The following IGF2BP3 variants were observed in gnomAD, a reference collection of about 807,000 sequenced individuals.
The protein encoded by IGF2BP3 is insulin like growth factor 2 mRNA binding protein 3, also known as insulin-like growth factor 2 mRNA-binding protein 3.
IGF2BP3 carries 9 observed loss-of-function variants against 73.8 expected under a neutral mutation model. The ratio of observed to expected loss-of-function variants is 0.12; its 90% confidence interval spans 0.07 to 0.21. The LOEUF (loss-of-function observed/expected upper bound fraction) is 0.21. Among genes scored for constraint, IGF2BP3 ranks in the 10% least tolerant of loss-of-function variants. IGF2BP3 has a pLI of 1.00. For synonymous variants in IGF2BP3, 258 were observed against 256.7 expected (o/e 1.01, Z -0.05); for missense variants, 542 against 714.0 (o/e 0.76, Z 2.75).
At chr7:23,435,292 C>CAAAAAA (rs35846648) in intron 2 of IGF2BP3, among the ~76,000 whole-genome samples, 3 of 47,942 alleles carry the variant, frequency 6.3e-5, no homozygotes, top group East Asian at 1.1e-3. Context: ...GACTCTGTCT[C>CAAAAAA]AAAAAAAAAA....
At chr7:23,335,059 G>A (rs1284579217) in intron 10 of IGF2BP3, among the ~76,000 whole-genome samples, 1 of 103,696 alleles carries the variant, frequency 9.6e-6, no homozygotes, top group Non-Finnish European at 1.9e-5. Context: ...ACAAAATATT[G>A]AAGTCTTTAA....
At chr7:23,346,587 CCTTTTT>C (rs1230952460) in intron 7 of IGF2BP3, among the ~76,000 whole-genome samples, 1 of 149,570 alleles carries the variant, frequency 6.7e-6, no homozygotes, top group Non-Finnish European at 1.5e-5. Context: ...GTGGGCTTTT[CCTTTTT>C]CTTTCTTTTT....
intron 2 of IGF2BP3, among the ~76,000 whole-genome samples, chr7:23,433,529 A>C (rs1034746372): frequency 1.5e-4 from 22 of 150,422 alleles, no homozygotes; most frequent in African/African-American, 5.4e-4. Flanking sequence ...TCTCTCGCCC[A>C]AACTGTAGTG....
chr7:23,451,010 T>G (rs568507607), intron 2 of IGF2BP3, among the ~76,000 whole-genome samples: 1 of 152,354 alleles, frequency 6.6e-6, no homozygotes, highest in Non-Finnish European at 1.5e-5. Flanking sequence ...TTTCCTCATA[T>G]ACTTCAATCA....
chr7:23,319,084 A>G (rs1209088443), intron 11 of IGF2BP3, 54 bp downstream of exon 11: 10 of 1,100,616 alleles, frequency 9.1e-6, no homozygotes, highest in Non-Finnish European at 1.4e-5. Flanking sequence ...AAGAAGATTC[A>G]TATTTCTGTA....
chr7:23,455,724 T>C (rs1480844474), intron 2 of IGF2BP3, among the ~76,000 whole-genome samples: 2 of 152,228 alleles, frequency 1.3e-5, no homozygotes. Flanking sequence ...CTCCCTCTGT[T>C]GCCCAGGCTG....
At chr7:23,317,213 G>T (rs1417841316) in intron 12 of IGF2BP3, among the ~76,000 whole-genome samples, 3 of 152,214 alleles carry the variant, frequency 2.0e-5, no homozygotes, top group South Asian at 2.1e-4. Flanking sequence ...GGATTAGAGA[G>T]ATTTGTAGAG....
intron 10 of IGF2BP3, among the ~76,000 whole-genome samples, chr7:23,340,931 C>A (rs1191338430): frequency 6.6e-6 from 1 of 151,492 alleles, no homozygotes; most frequent in African/African-American, 2.4e-5. Context: ...CTCACTACCA[C>A]CTCTGCCTCC....
At chr7:23,443,150 TCA>T (rs1021968426) in intron 2 of IGF2BP3, among the ~76,000 whole-genome samples, 1 of 138,520 alleles carries the variant, frequency 7.2e-6, no homozygotes, top group Non-Finnish European at 1.5e-5. Context: ...TCTTGCTCTG[TCA>T]CCCAGGCTGG....
At position 23,327,067 on chromosome 7, in the gene IGF2BP3, TAAA is replaced by T. The variant is rs1197880463; in HGVS notation, c.1204-7816_1204-7814del. On this transcript the variant is annotated intron_variant, in intron 10 of 14. Coordinates refer to ENST00000258729, the MANE Select transcript of IGF2BP3 (RefSeq NM_006547.3). ...ATGTACCCTAAAACTTAAAGTATAATAAATAAATTAATTAATTAATTAATTAAA... is the reference window on the plus strand; with the variant it reads ...ATGTACCCTAAAACTTAAAGTATAATTAAATTAATTAATTAATTAATTAAA... 4.4e-3 allele frequency among the ~76,000 whole-genome samples: 646 copies of T among 146,802 alleles called. 4 individuals are homozygous for T. The highest frequency in any genetic ancestry group is 0.015 in the African/African-American group (577 of 37,258).
At position 23,320,922 on chromosome 7, in the gene IGF2BP3, C is replaced by A. The variant is rs114180401; in HGVS notation, c.1204-1668G>T. Among the ~76,000 whole-genome samples the A allele has an allele frequency of 5.5e-3, 755 of 138,508 alleles. 8 individuals carry two copies. Among genetic ancestry groups the A allele is most frequent in the African/African-American group, 0.02 (727 of 35,668 alleles). The allele number at this position is 138,508 out of a possible 152,430, so 90.9% of individuals were successfully genotyped here. A position where few individuals can be genotyped will look rare whatever the true frequency, so the allele number is the denominator to read the frequency against. The stretch of plus-strand genomic sequence containing the variant: ...CTGAGATCACACCACTGCTCTCCAA[C>A]CTGGGTGAGAGTGAAACTCTGTCTC... On this transcript the variant is annotated intron_variant, in intron 10 of 14. Coordinates refer to ENST00000258729, the MANE Select transcript of IGF2BP3 (RefSeq NM_006547.3).
chr7:23,348,567 G>C (rs1417091731), intron 6 of IGF2BP3, among the ~76,000 whole-genome samples: 6 of 152,138 alleles, frequency 3.9e-5, no homozygotes, highest in African/African-American at 1.4e-4. Context: ...CATGGGTCAA[G>C]AGTGATGTTT....
chr7:23,312,880 G>C (rs1412112190), intron 13 of IGF2BP3, 32 bp from the exon 14 acceptor site: 1 of 1,473,170 alleles, frequency 6.8e-7, no homozygotes, highest in African/African-American at 1.4e-5. Context: ...CACATTAAGT[G>C]GCAGTTTTAA....
chr7:23,323,826 T>C (rs562004276), intron 10 of IGF2BP3, among the ~76,000 whole-genome samples: 5,774 of 151,524 alleles, frequency 0.038, 169 homozygotes, highest in South Asian at 0.1. Flanking sequence ...GACTACTGGG[T>C]ACATAACGAA....
At chr7:23,331,943 A>G (rs1011512953) in intron 10 of IGF2BP3, among the ~76,000 whole-genome samples, 34 of 152,148 alleles carry the variant, frequency 2.2e-4, no homozygotes, top group African/African-American at 8.0e-4. Context: ...TCGTGGCGGA[A>G]GACAAATGGG....
In IGF2BP3 at chr7:23,468,549, A is replaced by G; in HGVS notation, c.176-7T>C. 4 of 1,614,110 alleles carry G rather than the reference A, an allele frequency of 2.5e-6. No homozygotes were observed. Among genetic ancestry groups the G allele is most frequent in the Non-Finnish European group, 2.5e-6 (3 of 1,179,950 alleles). On this transcript the variant is annotated splice_polypyrimidine_tract_variant and splice_region_variant and intron_variant, in intron 1 of 14. Coordinates refer to ENST00000258729, the MANE Select transcript of IGF2BP3 (RefSeq NM_006547.3). ...CCGTGCAGTTCTATTTTACCTGCGG[A>G]CACACAAGAAGTGAGACGGTCGGCC...
chr7:23,401,091 C>G (rs1786647368), intron 3 of IGF2BP3, among the ~76,000 whole-genome samples: 1 of 152,176 alleles, frequency 6.6e-6, no homozygotes, highest in Admixed American at 6.5e-5. Context: ...GCTATCACGC[C>G]CAGCCCAAAA....
intron 8 of IGF2BP3, 66 bp from the exon 9 acceptor site, chr7:23,343,919 C>A: frequency 6.6e-7 from 1 of 1,526,188 alleles, no homozygotes. Flanking sequence ...AATAATTCAG[C>A]CACAGACGGC....
intron 2 of IGF2BP3, among the ~76,000 whole-genome samples, chr7:23,462,353 T>G (rs1788467660): frequency 6.7e-6 from 1 of 149,848 alleles, no homozygotes; most frequent in South Asian, 2.1e-4. Context: ...TAGATTCCTC[T>G]AAGAATATTT....
Sources: allele counts gnomAD v4.1 joint callset (sites outside exome capture counted in the v4.1 genomes callset), GRCh38; gene constraint gnomAD v4.1.1; transcripts MANE v1.5; gene names NCBI Gene and HGNC (gene_info 2026-07-23, HGNC 2026-07-21).